Variants in EXOC6 observed in about 807,000 individuals in gnomAD.
EXOC6 encodes exocyst complex component 6, also known as SEC15-like 1.
EXOC6 carries 60 observed loss-of-function variants against 112.5 expected under a neutral mutation model. The ratio of observed to expected loss-of-function variants is 0.53; its 90% confidence interval spans 0.43 to 0.66. EXOC6 has a LOEUF of 0.66. Ranked by LOEUF, EXOC6 falls within the 30% of genes least tolerant of loss-of-function variation. EXOC6 has a pLI of 0.00. For missense variants in EXOC6, 855 were observed against 957.1 expected (o/e 0.89, Z 1.41); for synonymous variants, 295 against 308.0 (o/e 0.96, Z 0.44).
At chr10:92,847,835 CTT>C (rs3078184), upstream of EXOC6, among the ~76,000 whole-genome samples, 36,693 of 92,858 alleles carry the variant, frequency 0.4, 6,051 homozygotes, top group Admixed American at 0.51. Flanking sequence ...CGCCCTGGGC[CTT>C]TTTTTTTTTT....
At chr10:92,863,470 A>G (rs1297549462) in intron 1 of EXOC6, among the ~76,000 whole-genome samples, 5 of 152,192 alleles carry the variant, frequency 3.3e-5, no homozygotes, top group Admixed American at 3.3e-4. Context: ...CTTAAAGATA[A>G]TTTTAGGTGT....
intron 13 of EXOC6, among the ~76,000 whole-genome samples, chr10:92,944,497 A>G (rs1180717006): frequency 6.6e-6 from 1 of 152,136 alleles, no homozygotes; most frequent in African/African-American, 2.4e-5. Context: ...TGGCCTCCCA[A>G]AGTGCTAGGA....
upstream of EXOC6, among the ~76,000 whole-genome samples, chr10:92,829,800 C>G (rs1846443702): frequency 6.6e-6 from 1 of 152,090 alleles, no homozygotes. Context: ...GGTGAAGAAG[C>G]CAGCCAAATC....
intron 8 of EXOC6, among the ~76,000 whole-genome samples, chr10:92,921,467 C>T (rs1016180444): frequency 2.0e-5 from 3 of 151,772 alleles, no homozygotes; most frequent in Admixed American, 1.3e-4. Flanking sequence ...AGGCTGATCT[C>T]GAACTCCTGA....
intron 9 of EXOC6, among the ~76,000 whole-genome samples, chr10:92,930,333 T>C (rs921403791): frequency 6.6e-6 from 1 of 151,560 alleles, no homozygotes; most frequent in Non-Finnish European, 1.5e-5. Flanking sequence ...TGAAACCCCA[T>C]CTCTACTAAA....
intron 1 of EXOC6, among the ~76,000 whole-genome samples, chr10:92,851,751 T>C (rs1847356046): frequency 6.6e-6 from 1 of 151,394 alleles, no homozygotes; most frequent in African/African-American, 2.4e-5. Context: ...CTATAGATTC[T>C]ACAGACATTA....
chr10:92,954,435 C>G (rs1853581693), intron 15 of EXOC6, among the ~76,000 whole-genome samples, 195 bp from the exon 16 acceptor site: 1 of 152,070 alleles, frequency 6.6e-6, no homozygotes. Flanking sequence ...GAATATTCTA[C>G]TTTATGGAAA....
chr10:92,993,584 T>C (rs1387774931), intron 18 of EXOC6, among the ~76,000 whole-genome samples: 3 of 152,174 alleles, frequency 2.0e-5, no homozygotes, highest in Non-Finnish European at 4.4e-5. Context: ...ACAATTATAT[T>C]AGAGTAGATC....
At chr10:92,873,626 A>G (rs1278676851) in intron 1 of EXOC6, among the ~76,000 whole-genome samples, 1 of 152,216 alleles carries the variant, frequency 6.6e-6, no homozygotes, top group Non-Finnish European at 1.5e-5. Flanking sequence ...TAGAGGAAGC[A>G]TCTGGGCATT....
chr10:92,900,094 A>G (rs750190055), intron 5 of EXOC6: 5 of 154,796 alleles, frequency 3.2e-5, no homozygotes, highest in Middle Eastern at 3.4e-3. Flanking sequence ...ATTGATTGCC[A>G]TAGGAGCATT....
chr10:92,952,221 G>A lies in EXOC6; in HGVS notation c.1417-52G>A, dbSNP rs1240708988. Reference sequence around the variant, plus strand: ...TTAATTTTACATTTTTTAGTGATTAGCATGTCTTTTTCTAAAATTTCAAAA... The same window carrying A: ...TTAATTTTACATTTTTTAGTGATTAACATGTCTTTTTCTAAAATTTCAAAA... On this transcript the variant is annotated intron_variant, in intron 14 of 21. Coordinates refer to ENST00000260762, the MANE Select transcript of EXOC6 (RefSeq NM_019053.6). 4 of 1,107,040 alleles carry A rather than the reference G, an allele frequency of 3.6e-6. No homozygotes were observed. In the African/African-American group the frequency reaches 6.3e-5, roughly 17 times the overall value. The allele number at this position is 1,107,040 out of a possible 1,614,324, so 68.6% of individuals were successfully genotyped here. A position where few individuals can be genotyped will look rare whatever the true frequency, so the allele number is the denominator to read the frequency against.
intron 1 of EXOC6, among the ~76,000 whole-genome samples, chr10:92,862,831 A>T (rs919860815): frequency 6.6e-6 from 1 of 152,230 alleles, no homozygotes; most frequent in African/African-American, 2.4e-5. Context: ...TGCTATGAAC[A>T]TTCATGTACA....
chr10:93,042,901 C>T (rs1845845071), intron 20 of EXOC6, among the ~76,000 whole-genome samples: 1 of 150,670 alleles, frequency 6.6e-6, no homozygotes, highest in Non-Finnish European at 1.5e-5. Flanking sequence ...TTCTGAAGCA[C>T]CATAATCAAA....
At chr10:92,830,093 C>T (rs1564755562), upstream of EXOC6, among the ~76,000 whole-genome samples, 1 of 152,224 alleles carries the variant, frequency 6.6e-6, no homozygotes, top group African/African-American at 2.4e-5. Flanking sequence ...TGCCACTGCT[C>T]TGCCTATGGA....
upstream of EXOC6, among the ~76,000 whole-genome samples, chr10:92,844,209 C>T (rs534025875): frequency 1.3e-4 from 19 of 151,476 alleles, 1 homozygote; most frequent in South Asian, 2.9e-3. Flanking sequence ...AAGCTTAATA[C>T]GACAAGTATT....
intron 8 of EXOC6, among the ~76,000 whole-genome samples, chr10:92,921,699 G>T (rs1428002577): frequency 1.4e-5 from 2 of 147,500 alleles, no homozygotes; most frequent in Admixed American, 1.4e-4. Flanking sequence ...CCAAGATGGA[G>T]TGCAGTGGCG....
At chr10:93,022,789 GT>G (rs35909001) in intron 20 of EXOC6, among the ~76,000 whole-genome samples, 13,033 of 149,422 alleles carry the variant, frequency 0.087, 621 homozygotes, top group Admixed American at 0.15. Flanking sequence ...GGTGATAAAA[GT>G]TTTTTTTTTA....
At chr10:92,853,508 A>G (rs762191769) in intron 1 of EXOC6, among the ~76,000 whole-genome samples, 5 of 152,260 alleles carry the variant, frequency 3.3e-5, no homozygotes, top group African/African-American at 4.8e-5. Flanking sequence ...CTATAAAGCT[A>G]CAGAAATTAA....
chr10:93,000,718 A>G (rs1476363923), intron 19 of EXOC6, among the ~76,000 whole-genome samples: 2 of 152,190 alleles, frequency 1.3e-5, no homozygotes, highest in African/African-American at 2.4e-5. Flanking sequence ...ATACAGTAAC[A>G]TGCATTTACT....
Sources: gnomAD v4.1 joint callset for allele counts (sites outside exome capture counted in the v4.1 genomes callset) on GRCh38, gnomAD v4.1.1 for gene constraint, MANE v1.5 for transcripts, NCBI Gene and HGNC (gene_info 2026-07-23, HGNC 2026-07-21) for gene names.